The following CREB3L1 variants were observed in gnomAD, a reference collection of about 807,000 sequenced individuals.
CREB3L1 encodes cyclic AMP-responsive element-binding protein 3-like protein 1.
In CREB3L1, 33 loss-of-function variants were observed where a neutral mutation model predicts 54.5. The ratio of observed to expected loss-of-function variants is 0.61; its 90% CI spans 0.46 to 0.81. The LOEUF is 0.81. Ranked by LOEUF, CREB3L1 falls within the 30% of genes least tolerant of loss-of-function variation. CREB3L1 has a pLI of 0.00. For synonymous variants in CREB3L1, 284 were observed against 286.4 expected (o/e 0.99, Z 0.08); for missense variants, 656 against 673.3 (o/e 0.97, Z 0.29).
intron 1 of CREB3L1, among the ~76,000 whole-genome samples, chr11:46,299,062 G>A (rs949723812): frequency 6.6e-6 from 1 of 152,102 alleles, no homozygotes; most frequent in Admixed American, 6.5e-5. Context: ...ACACACATGT[G>A]CGTTCACACA....
At chr11:46,283,889 C>T (rs1208420041) in intron 1 of CREB3L1, among the ~76,000 whole-genome samples, 2 of 151,990 alleles carry the variant, frequency 1.3e-5, no homozygotes, top group African/African-American at 4.8e-5. Flanking sequence ...AAAATCAGAT[C>T]TAAGTGTTCA....
At chr11:46,301,493 C>G (rs1939301607) in intron 2 of CREB3L1, among the ~76,000 whole-genome samples, 2 of 151,828 alleles carry the variant, frequency 1.3e-5, no homozygotes, top group Admixed American at 1.3e-4. Context: ...AACAATTAGC[C>G]CAGCATGATG....
rs908568224 is a variant in CREB3L1, at chr11:46,306,202, C to T, written c.332-1614C>T. Reference sequence around the variant, plus strand: ...GATTATAGGCGTGAGCTACCGCACCCAGCCATAATCTTTCTTAAAATTGCA... The same window carrying T: ...GATTATAGGCGTGAGCTACCGCACCTAGCCATAATCTTTCTTAAAATTGCA... On this transcript the variant is annotated intron_variant, in intron 2 of 11. Transcript: ENST00000621158. Among the ~76,000 whole-genome samples the T allele has an allele frequency of 3.3e-5, 5 of 152,284 alleles. No homozygotes were observed. The South Asian group carries it at 1.0e-3, about 32-fold the overall frequency.
intron 2 of CREB3L1, 25 bp from the exon 3 acceptor site, chr11:46,307,791 C>T (rs2136351561): frequency 1.3e-6 from 2 of 1,527,548 alleles, no homozygotes; most frequent in South Asian, 2.5e-5. Context: ...CCCTAGAGTC[C>T]CCTGAGCCTT....
At chr11:46,320,016 C>G (rs913401514) in intron 10 of CREB3L1, among the ~76,000 whole-genome samples, 1 of 152,112 alleles carries the variant, frequency 6.6e-6, no homozygotes, top group East Asian at 1.9e-4. Flanking sequence ...AATCACTTCC[C>G]CTGTATTACC....
Position 46,305,730 on chromosome 11 carries a change from GTGTA to G in CREB3L1, c.332-2084_332-2081del, listed in dbSNP as rs1432078005. 1.4e-3 allele frequency among the ~76,000 whole-genome samples: 170 copies of G among 121,180 alleles called. 3 individuals carry two copies. In the East Asian group the frequency reaches 0.027, roughly 19 times the overall value. 79.5% of individuals were successfully genotyped at this position (121,180 alleles called of 152,430 possible). ...TGTGTGTGTGTGTGTGTGTGTGTGT[GTGTA>G]TATATATATATATTTTTTTTTAAGA... On this transcript the variant is annotated intron_variant, in intron 2 of 11. Coordinates refer to ENST00000621158, the MANE Select transcript of CREB3L1 (RefSeq NM_052854.4).
chr11:46,308,777 A>C (rs1939441365), intron 3 of CREB3L1, among the ~76,000 whole-genome samples: 1 of 152,202 alleles, frequency 6.6e-6, no homozygotes, highest in South Asian at 2.1e-4. Flanking sequence ...TGAAGGCAAG[A>C]AAGGTCAGCC....
intron 5 of CREB3L1, 113 bp from the exon 6 acceptor site, chr11:46,312,212 T>C: frequency 2.3e-6 from 2 of 866,346 alleles, no homozygotes; most frequent in Non-Finnish European, 3.5e-6. Flanking sequence ...ATGAGGAAAC[T>C]GAGGCATAGA....
At chr11:46,302,216 T>TAATAAG (rs1555222176) in intron 2 of CREB3L1, among the ~76,000 whole-genome samples, 1 of 141,870 alleles carries the variant, frequency 7.0e-6, no homozygotes, top group Non-Finnish European at 1.5e-5. Context: ...ATAATAATAA[T>TAATAAG]AAGCTGTAGA....
intron 1 of CREB3L1, among the ~76,000 whole-genome samples, chr11:46,280,950 T>C (rs1938961929): frequency 6.6e-6 from 1 of 152,224 alleles, no homozygotes. Context: ...TCATGTGTGC[T>C]CTGTTGCTCT....
At chr11:46,305,700 G>GTATATATGTA (rs201431893) in intron 2 of CREB3L1, among the ~76,000 whole-genome samples, 2 of 87,522 alleles carry the variant, frequency 2.3e-5, no homozygotes, top group South Asian at 7.6e-4. Flanking sequence ...ATGTGTGTGT[G>GTATATATGTA]TGTGTGTGTG....
chr11:46,304,492 C>T (rs1436215195), intron 2 of CREB3L1, among the ~76,000 whole-genome samples: 4 of 152,050 alleles, frequency 2.6e-5, no homozygotes, highest in African/African-American at 9.7e-5. Context: ...AAAATAGAAG[C>T]TCATGTGTGA....
chr11:46,306,464 A>G lies in CREB3L1; in HGVS notation c.332-1352A>G, dbSNP rs374080501. Among the ~76,000 whole-genome samples the G allele has an allele frequency of 5.1e-3, 770 of 151,980 alleles. 9 individuals carry two copies. Among genetic ancestry groups the G allele is most frequent in the African/African-American group, 0.018 (744 of 41,464 alleles). On this transcript the variant is annotated intron_variant, in intron 2 of 11. Transcript: ENST00000621158. ...GACTGCAGTGACTCATGATGGCACCACTGCACTCCAGCCTGGGCGAATGAG... is the reference window on the plus strand; with the variant it reads ...GACTGCAGTGACTCATGATGGCACCGCTGCACTCCAGCCTGGGCGAATGAG...
Position 46,320,253 on chromosome 11 carries a change from T to G in CREB3L1, c.1259-11T>G. The G allele has an allele frequency of 6.3e-7, 1 of 1,584,904 alleles. No homozygotes were observed. The highest frequency in any genetic ancestry group is 8.6e-7 in the Non-Finnish European group (1 of 1,165,586). On this transcript the variant is annotated splice_polypyrimidine_tract_variant and intron_variant, in intron 10 of 11. Transcript: ENST00000621158. Reference sequence around the variant, plus strand: ...CTTGGGCACACCGCTCATCCTACACTCCCTCTCCAGTGCCCTCCCGAAGCC... The same window carrying G: ...CTTGGGCACACCGCTCATCCTACACGCCCTCTCCAGTGCCCTCCCGAAGCC...
intron 10 of CREB3L1, 31 bp from the exon 11 acceptor site, chr11:46,320,233 G>A (rs1485633765): frequency 1.3e-6 from 2 of 1,548,672 alleles, no homozygotes; most frequent in African/African-American, 2.7e-5. Flanking sequence ...GGAATCTTGG[G>A]CACACCGCTC....
Position 46,278,649 on chromosome 11 carries a change from T to C in CREB3L1, c.102+436T>C, listed in dbSNP as rs1223005172. 2.0e-5 allele frequency among the ~76,000 whole-genome samples: 3 copies of C among 152,188 alleles called. No homozygotes were observed. The highest frequency in any genetic ancestry group is 2.0e-4 in the Admixed American group (3 of 15,280). On this transcript the variant is annotated intron_variant, in intron 1 of 11. Coordinates refer to ENST00000621158, the MANE Select transcript of CREB3L1 (RefSeq NM_052854.4). The surrounding 1 kb of genome is among the most constrained non-coding windows in gnomAD (Gnocchi z 4.2). ...CGCACCGGGGAACGTTCAGAGGGCC[T>C]GAGACCCGACCCCTCGGGGAAGCCA...
chr11:46,284,421 C>T (rs1227304737), intron 1 of CREB3L1, among the ~76,000 whole-genome samples: 1 of 152,108 alleles, frequency 6.6e-6, no homozygotes, highest in Non-Finnish European at 1.5e-5. Context: ...GAGGCTGAGG[C>T]AGGTGGATCA....
chr11:46,306,941 T>G (rs895928135), intron 2 of CREB3L1, among the ~76,000 whole-genome samples: 1 of 151,658 alleles, frequency 6.6e-6, no homozygotes, highest in Admixed American at 6.6e-5. Flanking sequence ...TGGTGCGATC[T>G]CAGCCCACTG....
intron 1 of CREB3L1, among the ~76,000 whole-genome samples, chr11:46,287,715 C>T (rs1241078057): frequency 2.6e-5 from 4 of 152,062 alleles, no homozygotes; most frequent in Admixed American, 6.5e-5. Flanking sequence ...CGGTGGTTCA[C>T]GCCTGTAATC....
Sources: gnomAD v4.1 joint callset for allele counts (sites outside exome capture counted in the v4.1 genomes callset) on GRCh38, gnomAD v4.1.1 for gene constraint, Gnocchi (gnomAD v3.1) non-coding constraint, MANE v1.5 for transcripts, NCBI Gene and HGNC (gene_info 2026-07-23, HGNC 2026-07-21) for gene names.